The following PROSER3 variants were observed in gnomAD, a reference collection of about 807,000 sequenced individuals.
PROSER3 encodes proline and serine-rich protein 3.
PROSER3 carries 33 observed loss-of-function variants against 50.2 expected under a neutral mutation model. The observed-to-expected ratio is 0.66, with a 90% CI of 0.50 to 0.88. The LOEUF (loss-of-function observed/expected upper bound fraction) is 0.88, where lower values mean the gene tolerates loss of function less well. Among genes scored for constraint, PROSER3 ranks in the 40% least tolerant of loss-of-function variants. PROSER3 has a pLI of 0.00. For missense variants in PROSER3, 623 were observed against 612.7 expected (o/e 1.02, Z -0.18); for synonymous variants, 266 against 259.3 (o/e 1.03, Z -0.25).
rs768024720 is a variant in PROSER3 at position 35,759,381 on chromosome 19, G to C, written c.19G>C (p.Val7Leu). The change falls in exon 2 of 11, where the codon GTT (valine) becomes CTT (leucine). Residue 7 changes from valine (V) to leucine (L), a missense_variant. Physicochemically the swap from Val to Leu is conservative, Grantham distance 32 (BLOSUM62 1). Around this residue, in one of 3 missense-constraint regions of PROSER3, gnomAD observed 236 missense variants for 243.6 expected, o/e 0.97. Coordinates refer to ENST00000396908, the Ensembl canonical transcript of PROSER3. ...CCCACTTTCCTCTTGCAGCCTGCCA[G>C]TTTTCTCCATTCAAGATAGTCCCTT... The C allele has an allele frequency of 1.9e-6, 3 of 1,613,464 alleles. No individual in the cohort carries two copies. In the South Asian group the frequency reaches 3.3e-5, roughly 18 times the overall value.
rs561433578 is a variant in PROSER3, at chr19:35,768,296, G to A, written c.1301+60G>A. 1.6e-5 allele frequency: 25 copies of A among 1,583,476 alleles called. No individual in the cohort carries two copies. The East Asian group carries it at 1.6e-4, about 10-fold the overall frequency. On this transcript the variant is annotated intron_variant, in intron 10 of 10. Coordinates refer to ENST00000396908, the Ensembl canonical transcript of PROSER3. Reference sequence around the variant, plus strand: ...TGGGCCCCGGAGACCTCTGAGACCCGGTTAGGCATCCAGCCCTCCTCATCC... The same window carrying A: ...TGGGCCCCGGAGACCTCTGAGACCCAGTTAGGCATCCAGCCCTCCTCATCC...
At chr19:35,767,831 C>T (rs772933424) in exon 9 of PROSER3, 1 of 1,612,984 alleles carries the variant, frequency 6.2e-7, no homozygotes, top group Non-Finnish European at 8.5e-7. Context: ...CAAGGCCTTG[C>T]CGCCCGCAGC....
chr19:35,759,422 G>A (rs1158282790), exon 2 of PROSER3: 1 of 1,613,546 alleles, frequency 6.2e-7, no homozygotes. Flanking sequence ...ATGCGCCCCT[G>A]GGTCGAAGCC....
At chr19:35,762,979 C>G (rs1971008791) in intron 5 of PROSER3, 1 of 150,418 alleles carries the variant, frequency 6.6e-6, no homozygotes, top group Non-Finnish European at 1.5e-5. Flanking sequence ...TTGCAGTGAG[C>G]CAAGATAGCG....
exon 3 of PROSER3, chr19:35,759,905 C>T (rs1206606603): frequency 1.2e-6 from 2 of 1,601,924 alleles, no homozygotes; most frequent in Non-Finnish European, 1.7e-6. Context: ...GTTCAGGGAC[C>T]CCCTCCCTGC....
downstream of PROSER3, among the ~76,000 whole-genome samples, chr19:35,770,457 C>G (rs923579925): frequency 6.6e-6 from 1 of 152,098 alleles, no homozygotes; most frequent in African/African-American, 2.4e-5. Flanking sequence ...TTTTATAAAC[C>G]TGATATTCTT....
chr19:35,762,324 C>A, exon 5 of PROSER3: 1 of 1,609,110 alleles, frequency 6.2e-7, no homozygotes, highest in East Asian at 2.2e-5. Flanking sequence ...CAGTGCATCC[C>A]ATGCTGTGGC....
chr19:35,762,194 G>A (rs1319629205), intron 4 of PROSER3, 48 bp downstream of exon 4: 9 of 1,592,552 alleles, frequency 5.7e-6, no homozygotes, highest in Non-Finnish European at 7.7e-6. Flanking sequence ...AACCTTTGCT[G>A]ATCAATGCCC....
At chr19:35,764,082 CCG>C (rs747362751) in intron 5 of PROSER3, among the ~76,000 whole-genome samples, 8 of 152,128 alleles carry the variant, frequency 5.3e-5, no homozygotes, top group Non-Finnish European at 7.4e-5. Context: ...GCCACCACGC[CCG>C]CCTCTGTGCT....
exon 7 of PROSER3, chr19:35,765,165 C>T (rs1971102076): frequency 1.2e-6 from 2 of 1,613,376 alleles, no homozygotes; most frequent in Non-Finnish European, 1.7e-6. Context: ...GGCCTTGGCC[C>T]CAGGGCACCC....
rs775388485 is a variant in PROSER3 at position 35,759,951 on chromosome 19, GCACC to G, written c.277_280del (p.Thr93Ter). 1 of 1,605,956 alleles carries G rather than the reference GCACC, an allele frequency of 6.2e-7. No homozygotes were observed. Among genetic ancestry groups the G allele is most frequent in the East Asian group, 2.2e-5 (1 of 44,586 alleles). ...TGAGGGACAGATGTGGGCCTCCCCA[GCACC>G]CACCCTGATTGACAGCGGGGACTCC... is the stretch of plus-strand genomic sequence containing the variant. On this transcript the variant is annotated frameshift_variant, in exon 3 of 11. Coordinates refer to ENST00000396908, the Ensembl canonical transcript of PROSER3. LOFTEE classifies it high-confidence loss of function.
At chr19:35,765,622 G>A (rs1357931563) in intron 7 of PROSER3, among the ~76,000 whole-genome samples, 3 of 151,436 alleles carry the variant, frequency 2.0e-5, no homozygotes, top group African/African-American at 4.8e-5. Flanking sequence ...CCAATTGCTG[G>A]GCTCAAGCAA....
exon 11 of PROSER3, chr19:35,768,506 A>T: frequency 6.3e-7 from 1 of 1,597,838 alleles, no homozygotes; most frequent in Non-Finnish European, 8.5e-7. Flanking sequence ...GGAGGCTGCT[A>T]AGAAGGGAAG....
chr19:35,767,877 C>T (rs923904872), exon 9 of PROSER3: 2 of 1,613,372 alleles, frequency 1.2e-6, no homozygotes, highest in Non-Finnish European at 1.7e-6. Flanking sequence ...GCCACTCCTT[C>T]CCCTGGAGCC....
chr19:35,761,067 C>G (rs1296239392), intron 3 of PROSER3, among the ~76,000 whole-genome samples: 1 of 152,242 alleles, frequency 6.6e-6, no homozygotes, highest in African/African-American at 2.4e-5. Flanking sequence ...TTGTTGCTGT[C>G]CGAACTCTAG....
intron 8 of PROSER3, 56 bp from the exon 9 acceptor site, chr19:35,767,016 C>G: frequency 1.4e-6 from 2 of 1,465,320 alleles, no homozygotes; most frequent in Non-Finnish European, 1.8e-6. Context: ...CTGAGGGGGA[C>G]TGAGGACCCT....
exon 2 of PROSER3, chr19:35,759,393 C>A: frequency 6.2e-7 from 1 of 1,613,642 alleles, no homozygotes; most frequent in Non-Finnish European, 8.5e-7. Context: ...TTTCTCCATT[C>A]AAGATAGTCC....
chr19:35,766,948 G>C (rs551664520), exon 8 of PROSER3: 2 of 1,550,868 alleles, frequency 1.3e-6, no homozygotes, highest in Non-Finnish European at 1.7e-6. Flanking sequence ...CCTGCCCTCC[G>C]CACGTTGGTG....
downstream of PROSER3, among the ~76,000 whole-genome samples, chr19:35,770,093 C>T (rs570812901): frequency 8.8e-4 from 134 of 152,118 alleles, no homozygotes; most frequent in Non-Finnish European, 1.8e-3. Context: ...TTAGTAGAGA[C>T]GGGGTTTCAC....
Sources: allele counts gnomAD v4.1 joint callset (sites outside exome capture counted in the v4.1 genomes callset), GRCh38; gene constraint gnomAD v4.1.1; regional missense constraint gnomAD v4.1.1; transcripts MANE v1.5; gene names NCBI Gene and HGNC (gene_info 2026-07-23, HGNC 2026-07-21).